The following GRIA3 variants were observed in gnomAD, a reference collection of about 807,000 sequenced individuals.
GRIA3 encodes the protein glutamate ionotropic receptor AMPA type subunit 3, also known as glutamate receptor 3.
Under a neutral mutation model 63.0 loss-of-function variants are expected in GRIA3, and 3 were observed. The ratio of observed to expected loss-of-function variants is 0.05; its 90% confidence interval spans 0.02 to 0.12. The LOEUF is 0.12. Among genes scored for constraint, GRIA3 ranks in the 10% least tolerant of loss-of-function variants. GRIA3 has a pLI of 1.00. For missense variants in GRIA3, 347 were observed against 700.9 expected (o/e 0.50, Z 5.70); for synonymous variants, 274 against 257.9 (o/e 1.06, Z -0.60).
At chrX:123,358,677 T>C (rs997382070) in intron 5 of GRIA3, 4 of 112,054 alleles carry the variant, frequency 3.6e-5, no homozygotes, top group African/African-American at 1.3e-4. Context: ...GGAGTTGTTC[T>C]GTAATTAATT....
intron 4 of GRIA3, among the ~76,000 whole-genome samples, chrX:123,330,290 G>T (rs1255551737): frequency 8.9e-6 from 1 of 112,036 alleles, no homozygotes; most frequent in Non-Finnish European, 1.9e-5. Context: ...GAAACTTGGA[G>T]ACATTTATAT....
chrX:123,210,737 G>C (rs1928022120), intron 2 of GRIA3, among the ~76,000 whole-genome samples: 1 of 111,763 alleles, frequency 8.9e-6, no homozygotes, highest in Non-Finnish European at 1.9e-5. Flanking sequence ...ATAAGTGTCT[G>C]AACTTCATAA....
intron 13 of GRIA3, among the ~76,000 whole-genome samples, chrX:123,467,325 A>G (rs1031859853): frequency 1.8e-5 from 2 of 112,339 alleles, no homozygotes; most frequent in African/African-American, 3.2e-5. Flanking sequence ...AAAAACTGTT[A>G]TTAGCCAACA....
At chrX:123,324,209 A>C (rs766604913) in intron 3 of GRIA3, among the ~76,000 whole-genome samples, 2 of 112,360 alleles carry the variant, frequency 1.8e-5, no homozygotes, top group East Asian at 2.8e-4. Flanking sequence ...CAATGAGTAG[A>C]GATTACGAGA....
intron 12 of GRIA3, among the ~76,000 whole-genome samples, chrX:123,463,761 GA>G (rs1569440990): frequency 0.034 from 3,234 of 94,835 alleles, 369 homozygotes; most frequent in African/African-American, 0.15. Context: ...AAGAGAGAAA[GA>G]AAGAAGAGAA....
intron 2 of GRIA3, among the ~76,000 whole-genome samples, chrX:123,201,056 T>C (rs888906819): frequency 4.5e-5 from 5 of 112,007 alleles, no homozygotes; most frequent in Non-Finnish European, 9.4e-5. Context: ...TCCACTGTGG[T>C]AAAAATTGAA....
At chrX:123,296,513 A>G (rs1403072070) in intron 3 of GRIA3, among the ~76,000 whole-genome samples, 1 of 110,951 alleles carries the variant, frequency 9.0e-6, no homozygotes, top group Non-Finnish European at 1.9e-5. Flanking sequence ...CATCCAGATC[A>G]TCTAACTATG....
chrX:123,251,860 T>C (rs764925528), intron 2 of GRIA3, among the ~76,000 whole-genome samples: 81 of 112,259 alleles, frequency 7.2e-4, no homozygotes, highest in Non-Finnish European at 1.5e-3. Flanking sequence ...TTTGAAATGC[T>C]ACCCTCAAGC....
At position 123,324,567 on chromosome X, in the gene GRIA3, C is replaced by T. The variant is rs778076098; in HGVS notation, c.509-1459C>T. Among the ~76,000 whole-genome samples, 5 of 111,709 alleles carry T rather than the reference C, an allele frequency of 4.5e-5. No individual in the cohort carries two copies. The East Asian group carries it at 1.1e-3, about 25-fold the overall frequency. ...GCAGAGAGCACATCAACAACCCACA[C>T]GAAAATGTAAATCTGAGAAATAAAT... On this transcript the variant is annotated intron_variant, in intron 3 of 15. Transcript: ENST00000620443.
chrX:123,188,689 C>A (rs1927343276), intron 2 of GRIA3, among the ~76,000 whole-genome samples: 1 of 111,725 alleles, frequency 9.0e-6, no homozygotes, highest in Non-Finnish European at 1.9e-5. Flanking sequence ...ATTAAAGAAA[C>A]TTTCCCTTAT....
intron 2 of GRIA3, among the ~76,000 whole-genome samples, chrX:123,193,593 G>A (rs2157293): frequency 1.7e-4 from 19 of 110,913 alleles, no homozygotes; most frequent in Non-Finnish European, 3.6e-4. Context: ...GCCGAGAACT[G>A]CTCCAGGGAA....
chrX:123,337,219 G>T (rs1204815389), intron 4 of GRIA3, among the ~76,000 whole-genome samples: 1 of 111,684 alleles, frequency 9.0e-6, no homozygotes, highest in African/African-American at 3.3e-5. Context: ...CACCATAAAG[G>T]TTTAGATTTG....
At chrX:123,468,225 G>C (rs1331034563) in intron 13 of GRIA3, among the ~76,000 whole-genome samples, 3 of 110,836 alleles carry the variant, frequency 2.7e-5, no homozygotes, top group Non-Finnish European at 5.7e-5. Context: ...TTTTCTGAGA[G>C]TGAGCAAGAG....
intron 4 of GRIA3, among the ~76,000 whole-genome samples, chrX:123,340,546 A>G (rs1034904050): frequency 3.8e-4 from 43 of 112,367 alleles, no homozygotes; most frequent in African/African-American, 1.2e-3. Flanking sequence ...AGACAAATGA[A>G]CCAGAATATA....
intron 10 of GRIA3, among the ~76,000 whole-genome samples, chrX:123,408,636 TAA>T (rs1317540583): frequency 8.9e-6 from 1 of 112,149 alleles, no homozygotes; most frequent in Non-Finnish European, 1.9e-5. Context: ...TTCTGAATAG[TAA>T]AAGTGTTCCC....
intron 3 of GRIA3, among the ~76,000 whole-genome samples, chrX:123,256,210 A>C (rs187546476): frequency 2.1e-3 from 233 of 111,921 alleles, no homozygotes; most frequent in Non-Finnish European, 3.4e-3. Flanking sequence ...ACTCTAGCTC[A>C]CAATTATTCA....
rs146556006 is a variant in GRIA3 at position 123,208,639 on chromosome X, G to C, written c.268+22649G>C. On this transcript the variant is annotated intron_variant, in intron 2 of 15. Transcript: ENST00000620443. ...TAATTGCTCACCCCTCTGAGTCATC[G>C]AATCATAGGCTGATTGAATCTCTGG... 7.9e-3 allele frequency among the ~76,000 whole-genome samples: 886 copies of C among 111,836 alleles called. 9 individuals carry two copies. The highest frequency in any genetic ancestry group is 0.012 in the Non-Finnish European group (631 of 53,101).
intron 13 of GRIA3, among the ~76,000 whole-genome samples, chrX:123,472,262 C>T (rs1208059422): frequency 9.3e-6 from 1 of 107,289 alleles, no homozygotes; most frequent in East Asian, 2.9e-4. Flanking sequence ...TCAGATTGAA[C>T]TCTCAATGCA....
intron 5 of GRIA3, among the ~76,000 whole-genome samples, chrX:123,373,200 A>C (rs773763569): frequency 1.5e-4 from 17 of 110,975 alleles, no homozygotes; most frequent in South Asian, 1.2e-3. Context: ...TGAACTCATC[A>C]TTTTTTATGG....
Sources: gnomAD v4.1 joint callset for allele counts (sites outside exome capture counted in the v4.1 genomes callset) on GRCh38, gnomAD v4.1.1 for gene constraint, MANE v1.5 for transcripts, NCBI Gene and HGNC (gene_info 2026-07-23, HGNC 2026-07-21) for gene names.